The following HMGCL variants were observed in gnomAD, a reference collection of about 807,000 sequenced individuals.
The protein encoded by HMGCL is hydroxymethylglutaryl-CoA lyase, mitochondrial.
A neutral mutation model predicts 37.3 loss-of-function variants in HMGCL; 26 were observed. The ratio of observed to expected loss-of-function variants is 0.70; its 90% CI spans 0.51 to 0.97. HMGCL has a LOEUF of 0.97. Among genes scored for constraint, HMGCL ranks in the 50% least tolerant of loss-of-function variants. HMGCL has a pLI of 0.00. For missense variants in HMGCL, 379 were observed against 398.1 expected, an observed-to-expected ratio of 0.95 and a Z score of 0.41; for synonymous variants, 151 against 148.0, an observed-to-expected ratio of 1.02 and a Z score of -0.15.
rs191391990 is a variant in HMGCL, at chr1:23,813,320, C to T, written c.497+870G>A. Among the ~76,000 whole-genome samples, 242 of 146,332 alleles carry T rather than the reference C, an allele frequency of 1.7e-3. 5 individuals carry two copies. Among genetic ancestry groups the T allele is most frequent in the Admixed American group, 0.016 (239 of 14,674 alleles). On this transcript the variant is annotated intron_variant, in intron 5 of 8. Transcript: ENST00000374490. ...TGTGATCTCGGCTCACCACAACCTC[C>T]GCCTCCCAGATTCAAGTGATTCTCC...
intron 7 of HMGCL, among the ~76,000 whole-genome samples, chr1:23,805,117 T>C (rs1367345898): frequency 6.6e-6 from 1 of 152,236 alleles, no homozygotes; most frequent in East Asian, 1.9e-4. Flanking sequence ...CCATCACATC[T>C]ACCCACCTGC....
chr1:23,816,634 A>T, intron 4 of HMGCL, 41 bp downstream of exon 4: 1 of 1,180,962 alleles, frequency 8.5e-7, no homozygotes, highest in Non-Finnish European at 1.3e-6. Flanking sequence ...AATGCCATCA[A>T]TCTCATTTCA....
In HMGCL at chr1:23,806,786, ACACTAGG is replaced by A; in HGVS notation, c.750+1342_750+1348del. ...CTTAATGCTGAGAACAGTGCCTAGC[ACACTAGG>A]CACCGTTAGGTTAGGTTTTAATAGG... On this transcript the variant is annotated intron_variant, in intron 7 of 8. Transcript: ENST00000374490. This position sits in a 1 kb window ranked among gnomAD's most constrained non-coding sequence, Gnocchi z 4.0. 2.7e-6 allele frequency: 1 copy of A among 370,120 alleles called. No individual in the cohort carries two copies. Among genetic ancestry groups the A allele is most frequent in the Non-Finnish European group, 5.3e-6 (1 of 188,264 alleles). The allele number at this position is 370,120 out of a possible 1,614,324, so 22.9% of individuals were successfully genotyped here.
intron 4 of HMGCL, 89 bp downstream of exon 4, chr1:23,816,586 A>T: frequency 1.2e-6 from 1 of 856,148 alleles, no homozygotes; most frequent in Non-Finnish European, 2.0e-6. Context: ...TGGACATCCC[A>T]GGACAGGGGA....
Position 23,816,732 on chromosome 1 carries a change from C to CT in HMGCL, c.290dup (p.Phe98ValfsTer54). On this transcript the variant is annotated frameshift_variant, in exon 4 of 9. Transcript: ENST00000374490. LOFTEE classifies it high-confidence loss of function. ...GGACTGGGTAGTTGATGCCAGGAAA[C>CT]TTCTGAATGCCCTTCAAGACTTCAG... 1 of 1,613,784 alleles carries CT rather than the reference C, an allele frequency of 6.2e-7. No individual in the cohort carries two copies. Among genetic ancestry groups the CT allele is most frequent in the Non-Finnish European group, 8.5e-7 (1 of 1,179,680 alleles).
chr1:23,818,518 G>A (rs2148424735), intron 2 of HMGCL, among the ~76,000 whole-genome samples: 1 of 152,016 alleles, frequency 6.6e-6, no homozygotes, highest in East Asian at 1.9e-4. Flanking sequence ...GCCTTCTCCA[G>A]TTTCTCTCCC....
At chr1:23,816,952 C>G (rs1325124828) in intron 3 of HMGCL, among the ~76,000 whole-genome samples, 182 bp from the exon 4 acceptor site, 1 of 152,226 alleles carries the variant, frequency 6.6e-6, no homozygotes. Flanking sequence ...TCAGAAGGGC[C>G]CTTGGTTTGG....
intron 8 of HMGCL, among the ~76,000 whole-genome samples, chr1:23,803,214 T>C (rs1257778336): frequency 5.3e-5 from 8 of 151,958 alleles, no homozygotes; most frequent in Admixed American, 5.2e-4. Context: ...TTTCTTTTCT[T>C]TTTTTTGAGA....
intron 4 of HMGCL, chr1:23,816,327 T>C (rs1638613066): frequency 2.8e-6 from 1 of 351,220 alleles, no homozygotes; most frequent in Non-Finnish European, 5.5e-6. Flanking sequence ...GTTGAAACTC[T>C]TGTGGAGAGT....
chr1:23,806,109 G>A lies in HMGCL; in HGVS notation c.751-1584C>T, dbSNP rs986483490. Among the ~76,000 whole-genome samples, 5 of 152,136 alleles carry A rather than the reference G, an allele frequency of 3.3e-5. No homozygotes were observed. Among genetic ancestry groups the A allele is most frequent in the Non-Finnish European group, 7.4e-5 (5 of 68,000 alleles). On this transcript the variant is annotated intron_variant, in intron 7 of 8. Coordinates refer to ENST00000374490, the MANE Select transcript of HMGCL (RefSeq NM_000191.3). The surrounding 1 kb of genome is among the most constrained non-coding windows in gnomAD (Gnocchi z 4.0). ...TGGGATTACAGGCTCACGCCACCAC[G>A]CCCAGCTAATTTTTATATTTTTAGT... is the stretch of plus-strand genomic sequence containing the variant.
chr1:23,821,848 GCTT>G (rs1001344181), intron 1 of HMGCL, among the ~76,000 whole-genome samples: 2 of 151,814 alleles, frequency 1.3e-5, no homozygotes, highest in Non-Finnish European at 2.9e-5. Flanking sequence ...TCCTCATCTG[GCTT>G]TTTTTAAAAA....
At chr1:23,807,018 C>A (rs754180309) in intron 7 of HMGCL, 2 of 519,004 alleles carry the variant, frequency 3.9e-6, no homozygotes, top group East Asian at 1.1e-4. Context: ...TACTGCCAGA[C>A]GTCACACAGC....
In HMGCL at chr1:23,820,613, A is replaced by G; in HGVS notation, c.61-20T>C. On this transcript the variant is annotated intron_variant, in intron 1 of 8. Coordinates refer to ENST00000374490, the MANE Select transcript of HMGCL (RefSeq NM_000191.3). ...GCTGACCTTTGGTTTAAAAGAGGAA[A>G]CAAAAAGTATGAGGAAGAGATTGCC... 6.4e-7 allele frequency: 1 copy of G among 1,572,534 alleles called. No homozygotes were observed. Among genetic ancestry groups the G allele is most frequent in the Non-Finnish European group, 8.8e-7 (1 of 1,142,150 alleles).
intron 8 of HMGCL, 115 bp downstream of exon 8, chr1:23,804,285 C>G (rs1638357882): frequency 7.7e-7 from 1 of 1,305,978 alleles, no homozygotes; most frequent in Admixed American, 1.8e-5. Flanking sequence ...TAACCCTTTC[C>G]CTCTTTACTC....
At chr1:23,811,668 A>G (rs1234934780) in intron 5 of HMGCL, among the ~76,000 whole-genome samples, 3 of 152,120 alleles carry the variant, frequency 2.0e-5, no homozygotes, top group Admixed American at 2.0e-4. Flanking sequence ...AGAACAAAGG[A>G]CAGCTGAGGC....
chr1:23,825,365 G>T lies in HMGCL; in HGVS notation c.51C>A (p.Ser17=). ...ALPRRLVGLA[S]LRAVSTSSMG... is the part of the protein sequence containing the mutation. ...GGCTCGGGGCACTTACAGCCCGGAG[G>T]GACGCCAAGCCCACCAGTCGCCGCG... is the stretch of plus-strand genomic sequence containing the variant. Residue 17 remains serine (S), a synonymous_variant, in exon 1 of 9, where the codon TCC becomes TCA. Transcript: ENST00000374490. 6.4e-7 allele frequency: 1 copy of T among 1,559,656 alleles called. No individual in the cohort carries two copies. The highest frequency in any genetic ancestry group is 8.7e-7 in the Non-Finnish European group (1 of 1,152,522).
At chr1:23,814,608 A>G (rs550288050) in intron 4 of HMGCL, among the ~76,000 whole-genome samples, 10 of 152,186 alleles carry the variant, frequency 6.6e-5, no homozygotes, top group Non-Finnish European at 1.5e-4. Context: ...TGACCTTGTG[A>G]TCCACCCACC....
intron 1 of HMGCL, 71 bp downstream of exon 1, chr1:23,825,285 C>T: frequency 7.6e-7 from 1 of 1,323,380 alleles, no homozygotes; most frequent in Non-Finnish European, 1.1e-6. Context: ...GCAGTCACCA[C>T]GGGCCAAGCC....
chr1:23,814,193 C>G lies in HMGCL; in HGVS notation c.494G>C (p.Arg165Pro), dbSNP rs199587895. Residue 165 changes from arginine to proline, a missense_variant, in exon 5 of 9, where the codon CGG (arginine) becomes CCG (proline). By Grantham distance (103) the Arg-to-Pro change is moderately radical (BLOSUM62 -2). Transcript: ENST00000374490. ...KAAQSANISV[R>P]GYVSCALGCP... Reference sequence around the variant, plus strand: ...ATACCAATGTGCTCTGACTCACCCCCGCACAGAAATATTGGCTGACTGCGC... The same window carrying G: ...ATACCAATGTGCTCTGACTCACCCCGGCACAGAAATATTGGCTGACTGCGC... 1.9e-6 allele frequency: 3 copies of G among 1,613,672 alleles called. No individual in the cohort carries two copies. The highest frequency in any genetic ancestry group is 1.1e-5 in the South Asian group (1 of 91,062).
Sources: gnomAD v4.1 joint callset for allele counts (sites outside exome capture counted in the v4.1 genomes callset) on GRCh38, gnomAD v4.1.1 for gene constraint, Gnocchi (gnomAD v3.1) non-coding constraint, MANE v1.5 for transcripts, NCBI Gene and HGNC (gene_info 2026-07-23, HGNC 2026-07-21) for gene names.